RHOA: variants seen among roughly 807,000 people sequenced by gnomAD.
The protein encoded by RHOA is ras homolog family member A, also known as transforming protein RhoA.
Under a neutral mutation model 17.5 loss-of-function variants are expected in RHOA, and 3 were observed. The observed-to-expected ratio is 0.17, with a 90% CI of 0.08 to 0.44. The LOEUF is 0.44. RHOA is among the 20% of genes least tolerant of loss of function. RHOA has a pLI of 0.99. For missense variants in RHOA, 56 were observed against 242.3 expected, an observed-to-expected ratio of 0.23 and a Z score of 5.10; for synonymous variants, 98 against 88.4, an observed-to-expected ratio of 1.11 and a Z score of -0.61.
At chr3:49,383,999 C>A (rs975389525) in intron 1 of RHOA, among the ~76,000 whole-genome samples, 13 of 152,134 alleles carry the variant, frequency 8.5e-5, no homozygotes, top group Admixed American at 6.6e-5. Flanking sequence ...TACTGCATTA[C>A]AGCCTGGGCG....
chr3:49,401,321 C>A (rs2048721237), intron 1 of RHOA, among the ~76,000 whole-genome samples: 1 of 151,782 alleles, frequency 6.6e-6, no homozygotes, highest in Non-Finnish European at 1.5e-5. Flanking sequence ...GAGGTGGAGA[C>A]CAGTCTGGGC....
At chr3:49,386,918 G>A (rs866329820) in intron 1 of RHOA, among the ~76,000 whole-genome samples, 1 of 149,506 alleles carries the variant, frequency 6.7e-6, no homozygotes, top group Admixed American at 6.7e-5. Flanking sequence ...ATCGAGACCA[G>A]TCTGGCCAAC....
Position 49,403,787 on chromosome 3 carries a change from G to A in RHOA, c.-3+8033C>T, listed in dbSNP as rs143277084. 6.9e-3 allele frequency among the ~76,000 whole-genome samples: 1,047 copies of A among 152,184 alleles called. 8 individuals carry two copies. The highest frequency in any genetic ancestry group is 0.024 in the African/African-American group (999 of 41,510). On this transcript the variant is annotated intron_variant, in intron 1 of 4. Coordinates refer to ENST00000418115, the MANE Select transcript of RHOA (RefSeq NM_001664.4). Reference sequence around the variant, plus strand: ...TTAAAGTATGTGCATTTTATTGTATGCAAATTAAACCTCCATGAAGGTAAT... The same window carrying A: ...TTAAAGTATGTGCATTTTATTGTATACAAATTAAACCTCCATGAAGGTAAT...
chr3:49,403,167 T>C (rs1488424550), intron 1 of RHOA, among the ~76,000 whole-genome samples: 4 of 151,510 alleles, frequency 2.6e-5, no homozygotes, highest in Non-Finnish European at 5.9e-5. Context: ...TGAAACCCCA[T>C]CTCTACTAAA....
intron 1 of RHOA, among the ~76,000 whole-genome samples, chr3:49,384,760 C>A (rs1022036320): frequency 6.6e-6 from 1 of 151,972 alleles, no homozygotes; most frequent in Non-Finnish European, 1.5e-5. Flanking sequence ...CCCCCACTTT[C>A]TAAAAATTTA....
At chr3:49,411,260 TTCAATACAA>T (rs1281379372) in intron 1 of RHOA, among the ~76,000 whole-genome samples, 2 of 152,256 alleles carry the variant, frequency 1.3e-5, no homozygotes, top group African/African-American at 4.8e-5. Flanking sequence ...CCCCTAAGCG[TTCAATACAA>T]TCTTTTACTT....
At chr3:49,389,212 T>G in intron 1 of RHOA, among the ~76,000 whole-genome samples, 1 of 150,798 alleles carries the variant, frequency 6.6e-6, no homozygotes, top group South Asian at 2.1e-4. Context: ...CCAGGCCTGG[T>G]GGCGTCCACC....
chr3:49,376,356 C>G (rs2048226646), intron 1 of RHOA, among the ~76,000 whole-genome samples: 1 of 151,642 alleles, frequency 6.6e-6, no homozygotes, highest in Non-Finnish European at 1.5e-5. Flanking sequence ...ATTAAAAAAT[C>G]AATTGAGCCA....
chr3:49,372,141 C>T lies in RHOA; in HGVS notation c.156+3293G>A, dbSNP rs1464345097. On this transcript the variant is annotated intron_variant, in intron 2 of 4. Coordinates refer to ENST00000418115, the MANE Select transcript of RHOA (RefSeq NM_001664.4). Reference sequence around the variant, plus strand: ...TCTAAGTTAGGTAAGAGGGCTATAACTTGACACCAATCCTGAAGATGTCAT... The same window carrying T: ...TCTAAGTTAGGTAAGAGGGCTATAATTTGACACCAATCCTGAAGATGTCAT... 3.9e-5 allele frequency among the ~76,000 whole-genome samples: 6 copies of T among 152,148 alleles called. No individual in the cohort carries two copies. In the South Asian group the frequency reaches 1.2e-3, roughly 32 times the overall value.
intron 1 of RHOA, among the ~76,000 whole-genome samples, chr3:49,399,197 GTC>G (rs1343729708): frequency 6.6e-6 from 1 of 150,872 alleles, no homozygotes; most frequent in African/African-American, 2.4e-5. Context: ...GTGAAACCCC[GTC>G]TCTACTAAAA....
chr3:49,404,313 A>AAG (rs10686310), intron 1 of RHOA, among the ~76,000 whole-genome samples: 29 of 149,302 alleles, frequency 1.9e-4, no homozygotes, highest in Non-Finnish European at 2.7e-4. Flanking sequence ...TCCAAAAAAA[A>AAG]GCCAGGCGCA....
chr3:49,375,700 T>A, intron 1 of RHOA, 109 bp from the exon 2 acceptor site: 1 of 1,169,436 alleles, frequency 8.6e-7, no homozygotes, highest in African/African-American at 1.5e-5. Context: ...ATTAGCATAC[T>A]CAAATTCAAA....
intron 1 of RHOA, among the ~76,000 whole-genome samples, chr3:49,404,521 G>C (rs1423564557): frequency 1.4e-5 from 2 of 142,882 alleles, no homozygotes; most frequent in African/African-American, 5.3e-5. Flanking sequence ...TGAGGCAGGA[G>C]AATCGCTTGC....
At chr3:49,378,190 A>AAG (rs1372645061) in intron 1 of RHOA, among the ~76,000 whole-genome samples, 20 of 149,614 alleles carry the variant, frequency 1.3e-4, no homozygotes, top group Middle Eastern at 3.5e-3. Flanking sequence ...AAAAAAAAAA[A>AAG]AGAGAGAACT....
At chr3:49,406,289 G>A (rs2048831710) in intron 1 of RHOA, among the ~76,000 whole-genome samples, 1 of 152,026 alleles carries the variant, frequency 6.6e-6, no homozygotes, top group Admixed American at 6.6e-5. Flanking sequence ...TAGGTCCATG[G>A]AAGAGACACC....
chr3:49,385,987 G>A (rs772876120), intron 1 of RHOA, among the ~76,000 whole-genome samples: 2 of 152,146 alleles, frequency 1.3e-5, no homozygotes, highest in Non-Finnish European at 1.5e-5. Context: ...TTGCTTTGCA[G>A]TAAGTTTTAA....
chr3:49,375,105 A>G (rs1325503837), intron 2 of RHOA, among the ~76,000 whole-genome samples: 2 of 151,892 alleles, frequency 1.3e-5, no homozygotes, highest in Non-Finnish European at 2.9e-5. Context: ...CTACTAAACG[A>G]AAAATGAGCT....
intron 1 of RHOA, among the ~76,000 whole-genome samples, chr3:49,381,902 AGAGTC>A (rs2048324134): frequency 6.6e-6 from 1 of 151,772 alleles, no homozygotes; most frequent in African/African-American, 2.4e-5. Context: ...TTCCCCAGTT[AGAGTC>A]AAGTGTGGCA....
chr3:49,382,022 A>C (rs1047261333), intron 1 of RHOA, among the ~76,000 whole-genome samples: 6 of 150,140 alleles, frequency 4.0e-5, no homozygotes, highest in Non-Finnish European at 7.4e-5. Context: ...CTATCTCATA[A>C]AAATAAAAAA....
Sources: allele counts gnomAD v4.1 joint callset (sites outside exome capture counted in the v4.1 genomes callset), GRCh38; gene constraint gnomAD v4.1.1; transcripts MANE v1.5; gene names NCBI Gene and HGNC (gene_info 2026-07-23, HGNC 2026-07-21).